Variants in PDE8B observed in about 807,000 individuals in gnomAD.
PDE8B encodes the protein high affinity cAMP-specific and IBMX-insensitive 3',5'-cyclic phosphodiesterase 8B.
A neutral mutation model predicts 101.3 loss-of-function variants in PDE8B; 26 were observed. The observed-to-expected ratio is 0.26, with a 90% confidence interval of 0.19 to 0.36. The LOEUF is 0.36. PDE8B is among the 10% of genes least tolerant of loss of function. The pLI is 1.00. For synonymous variants in PDE8B, 424 were observed against 429.3 expected (o/e 0.99, Z 0.15); for missense variants, 810 against 1,163.1 (o/e 0.70, Z 4.42).
chr5:77,381,189 T>G (rs368337829), intron 10 of PDE8B, among the ~76,000 whole-genome samples: 1 of 152,104 alleles, frequency 6.6e-6, no homozygotes, highest in Non-Finnish European at 1.5e-5. Flanking sequence ...AACAGGAGAA[T>G]GACAGGATTA....
chr5:77,274,575 C>T (rs1233948854), intron 1 of PDE8B, among the ~76,000 whole-genome samples: 7 of 152,142 alleles, frequency 4.6e-5, no homozygotes, highest in Admixed American at 4.6e-4. Context: ...ACAAATAGTA[C>T]CTTGGTATTC....
chr5:77,256,293 T>A (rs1284797448), intron 1 of PDE8B, among the ~76,000 whole-genome samples: 1 of 152,180 alleles, frequency 6.6e-6, no homozygotes, highest in Non-Finnish European at 1.5e-5. Context: ...CACAATCATA[T>A]CATACACACA....
At chr5:77,415,981 G>A (rs1351641008) in intron 17 of PDE8B, among the ~76,000 whole-genome samples, 2 of 152,180 alleles carry the variant, frequency 1.3e-5, no homozygotes, top group African/African-American at 4.8e-5. Context: ...GCACCTCCAC[G>A]GGACTGGAAT....
chr5:77,413,641 A>G (rs1045172719), intron 17 of PDE8B, among the ~76,000 whole-genome samples: 1 of 152,168 alleles, frequency 6.6e-6, no homozygotes, highest in Non-Finnish European at 1.5e-5. Context: ...GCAAATGGTT[A>G]CTAGATCTAT....
chr5:77,317,206 A>G (rs775393167), intron 2 of PDE8B, among the ~76,000 whole-genome samples: 1 of 152,192 alleles, frequency 6.6e-6, no homozygotes, highest in Non-Finnish European at 1.5e-5. Context: ...TGCTTCTTCT[A>G]CTAACATTGC....
the PDE8B span, among the ~76,000 whole-genome samples, chr5:77,181,002 T>G: frequency 1.6e-5 from 2 of 125,634 alleles, no homozygotes; most frequent in Non-Finnish European, 3.3e-5. Flanking sequence ...GTGTGTGTGT[T>G]TGCGCGCGCA....
At chr5:77,215,992 C>CCAAT (rs1403265045) in intron 1 of PDE8B, among the ~76,000 whole-genome samples, 3 of 152,102 alleles carry the variant, frequency 2.0e-5, no homozygotes, top group African/African-American at 7.2e-5. Context: ...GCTGTGGTGA[C>CCAAT]CAATCGGAGG....
chr5:77,218,337 C>T (rs917227848), intron 1 of PDE8B, among the ~76,000 whole-genome samples: 4 of 152,220 alleles, frequency 2.6e-5, no homozygotes, highest in Non-Finnish European at 5.9e-5. Context: ...CTGCTATGAG[C>T]TACACGTTAT....
chr5:77,259,897 C>A (rs1229119526), intron 1 of PDE8B, among the ~76,000 whole-genome samples: 1 of 152,134 alleles, frequency 6.6e-6, no homozygotes, highest in Non-Finnish European at 1.5e-5. Flanking sequence ...CGTGTTGGCT[C>A]ACCTCTGTAA....
intron 1 of PDE8B, among the ~76,000 whole-genome samples, chr5:77,257,380 G>A (rs1759414326): frequency 6.6e-6 from 1 of 152,248 alleles, no homozygotes; most frequent in South Asian, 2.1e-4. Flanking sequence ...AGAAAAGGAT[G>A]CACCAGCCTA....
At chr5:77,130,337 A>G in the PDE8B span, among the ~76,000 whole-genome samples, 1 of 152,166 alleles carries the variant, frequency 6.6e-6, no homozygotes, top group Non-Finnish European at 1.5e-5. Context: ...AGAAACATCC[A>G]ATAGTTAAAC....
intron 1 of PDE8B, chr5:77,291,088 C>T: frequency 6.2e-7 from 1 of 1,610,246 alleles, no homozygotes. Context: ...GGAAACAGTA[C>T]CATTATTGCC....
chr5:77,157,808 C>A, the PDE8B span, among the ~76,000 whole-genome samples: 2 of 152,236 alleles, frequency 1.3e-5, no homozygotes, highest in African/African-American at 4.8e-5. Context: ...CCTAAGGTCA[C>A]CAGGTTTCTG....
At chr5:77,190,936 A>G in the PDE8B span, among the ~76,000 whole-genome samples, 1 of 152,188 alleles carries the variant, frequency 6.6e-6, no homozygotes, top group Non-Finnish European at 1.5e-5. Flanking sequence ...AAAATACCAC[A>G]CACTGGGTGG....
the PDE8B span, among the ~76,000 whole-genome samples, chr5:77,143,596 G>A: frequency 6.6e-6 from 1 of 152,148 alleles, no homozygotes; most frequent in East Asian, 1.9e-4. Context: ...ACTGATGAAA[G>A]GTTTTGAAAA....
At chr5:77,385,406 CA>C (rs1437421281) in intron 10 of PDE8B, among the ~76,000 whole-genome samples, 2 of 150,742 alleles carry the variant, frequency 1.3e-5, no homozygotes, top group Admixed American at 6.6e-5. Context: ...TTGATCTTTT[CA>C]AAAATCCAGC....
the PDE8B span, among the ~76,000 whole-genome samples, chr5:77,131,385 C>T: frequency 2.6e-5 from 4 of 152,332 alleles, no homozygotes; most frequent in African/African-American, 9.6e-5. Flanking sequence ...TGCCCTCTTT[C>T]CACCCACGTT....
At chr5:77,334,799 T>G (rs370677627) in intron 5 of PDE8B, among the ~76,000 whole-genome samples, 2 of 152,208 alleles carry the variant, frequency 1.3e-5, no homozygotes, top group Admixed American at 6.5e-5. Context: ...TAAAGTTAGA[T>G]TTCCCAAGCT....
intron 1 of PDE8B, among the ~76,000 whole-genome samples, chr5:77,287,131 A>C (rs1454889339): frequency 6.6e-6 from 1 of 152,072 alleles, no homozygotes; most frequent in Non-Finnish European, 1.5e-5. Context: ...CTTCCATCTG[A>C]GATCATTTGC....
Sources: allele counts gnomAD v4.1 joint callset (sites outside exome capture counted in the v4.1 genomes callset), GRCh38; gene constraint gnomAD v4.1.1; transcripts MANE v1.5; gene names NCBI Gene and HGNC (gene_info 2026-07-23, HGNC 2026-07-21).